NR6A1: variants seen among roughly 807,000 people sequenced by gnomAD.
The protein encoded by NR6A1 is retinoic acid receptor-related testis-associated receptor.
In NR6A1, 7 loss-of-function variants were observed where a neutral mutation model predicts 59.1. The ratio of observed to expected loss-of-function variants is 0.12; its 90% CI spans 0.07 to 0.22. NR6A1 has a LOEUF of 0.22. Among genes scored for constraint, NR6A1 ranks in the 10% least tolerant of loss-of-function variants. NR6A1 has a pLI of 1.00. For synonymous variants in NR6A1, 243 were observed against 236.1 expected, an observed-to-expected ratio of 1.03 and a Z score of -0.27; for missense variants, 468 against 611.6, an observed-to-expected ratio of 0.77 and a Z score of 2.48.
chr9:124,747,417 A>G (rs1345754417), intron 1 of NR6A1, among the ~76,000 whole-genome samples: 1 of 152,002 alleles, frequency 6.6e-6, no homozygotes, highest in Non-Finnish European at 1.5e-5. Flanking sequence ...CAGCACACAC[A>G]CAACCTTCTC....
intron 2 of NR6A1, among the ~76,000 whole-genome samples, chr9:124,583,677 C>T (rs1005066853): frequency 6.6e-6 from 1 of 152,152 alleles, no homozygotes; most frequent in Non-Finnish European, 1.5e-5. Context: ...ACGGCATACT[C>T]GGTCAGGTTG....
intron 2 of NR6A1, among the ~76,000 whole-genome samples, chr9:124,648,984 T>G (rs1437610411): frequency 6.6e-6 from 1 of 151,970 alleles, no homozygotes; most frequent in Non-Finnish European, 1.5e-5. Flanking sequence ...CATCCCATGT[T>G]CATAAAGTGA....
At chr9:124,541,436 A>C (rs1482436927) in intron 4 of NR6A1, among the ~76,000 whole-genome samples, 1 of 152,186 alleles carries the variant, frequency 6.6e-6, no homozygotes, top group Non-Finnish European at 1.5e-5. Context: ...ATTACCTCAC[A>C]CCTGTTATGT....
intron 2 of NR6A1, among the ~76,000 whole-genome samples, chr9:124,579,954 G>A (rs1369470638): frequency 6.6e-6 from 1 of 152,164 alleles, no homozygotes; most frequent in Non-Finnish European, 1.5e-5. Flanking sequence ...AGGTGGTGGT[G>A]AGCTGAGATT....
At position 124,644,160 on chromosome 9, in the gene NR6A1, C is replaced by T. The variant is rs192465705; in HGVS notation, c.142+89148G>A. Among the ~76,000 whole-genome samples the T allele has an allele frequency of 1.2e-3, 182 of 152,208 alleles. 1 individual carries two copies. The highest frequency in any genetic ancestry group is 4.1e-3 in the African/African-American group (172 of 41,536). On this transcript the variant is annotated intron_variant, in intron 2 of 9. Transcript: ENST00000487099. Reference sequence around the variant, plus strand: ...GTTGTGATCCACCCACCTCGGCCTCCCAAAGTGCTGGGATTACAGGCGTGA... The same window carrying T: ...GTTGTGATCCACCCACCTCGGCCTCTCAAAGTGCTGGGATTACAGGCGTGA...
chr9:124,762,634 A>G (rs999781996), intron 1 of NR6A1, among the ~76,000 whole-genome samples: 42 of 152,350 alleles, frequency 2.8e-4, no homozygotes, highest in African/African-American at 9.1e-4. Flanking sequence ...GTTTAAAACC[A>G]TATCAATGAA....
chr9:124,520,851 T>C lies in NR6A1; in HGVS notation c.*1854A>G, dbSNP rs1832785519. 6.6e-6 allele frequency: 1 copy of C among 152,248 alleles called. No individual in the cohort carries two copies. The highest frequency in any genetic ancestry group is 2.4e-5 in the African/African-American group (1 of 41,464). The allele number at this position is 152,248 out of a possible 1,614,324, so 9.4% of individuals were successfully genotyped here. Reference sequence around the variant, plus strand: ...TAGCTGGAGCTTTTCCTGAGGAACATGTCTCTTCCTTCTCAGAGCAACTGG... The same window carrying C: ...TAGCTGGAGCTTTTCCTGAGGAACACGTCTCTTCCTTCTCAGAGCAACTGG... On this transcript the variant is annotated 3_prime_UTR_variant, in exon 10 of 10. Coordinates refer to ENST00000487099, the MANE Select transcript of NR6A1 (RefSeq NM_033334.4).
chr9:124,741,598 T>C (rs770359967), intron 1 of NR6A1, among the ~76,000 whole-genome samples: 4 of 152,244 alleles, frequency 2.6e-5, no homozygotes, highest in Non-Finnish European at 4.4e-5. Context: ...TGGTAAATTT[T>C]ATGCTACGTA....
intron 2 of NR6A1, among the ~76,000 whole-genome samples, chr9:124,674,102 G>T (rs1034364061): frequency 2.6e-5 from 4 of 152,040 alleles, no homozygotes; most frequent in African/African-American, 9.7e-5. Flanking sequence ...CATTAAATGA[G>T]GTAATATAAG....
intron 2 of NR6A1, among the ~76,000 whole-genome samples, chr9:124,559,212 G>C (rs1441613460): frequency 6.6e-6 from 1 of 152,134 alleles, no homozygotes; most frequent in East Asian, 1.9e-4. Flanking sequence ...GCCCTGTACA[G>C]ATCTTTACCT....
intron 2 of NR6A1, among the ~76,000 whole-genome samples, chr9:124,677,400 A>G (rs1035098336): frequency 8.6e-5 from 13 of 152,038 alleles, no homozygotes; most frequent in African/African-American, 3.1e-4. Flanking sequence ...CTGGGACTAC[A>G]GGTGGGCACC....
chr9:124,758,112 G>T (rs1199836154), intron 1 of NR6A1, among the ~76,000 whole-genome samples: 2 of 152,200 alleles, frequency 1.3e-5, no homozygotes, highest in Non-Finnish European at 2.9e-5. Context: ...CTGTCACCAA[G>T]AAAGGGAATA....
At chr9:124,588,456 C>T (rs979612611) in intron 2 of NR6A1, among the ~76,000 whole-genome samples, 3 of 151,448 alleles carry the variant, frequency 2.0e-5, no homozygotes, top group Non-Finnish European at 4.4e-5. Flanking sequence ...TACAGGCGCC[C>T]GCCACCACGC....
intron 2 of NR6A1, among the ~76,000 whole-genome samples, chr9:124,673,321 A>T (rs1837851088): frequency 6.6e-6 from 1 of 152,132 alleles, no homozygotes; most frequent in African/African-American, 2.4e-5. Flanking sequence ...GAAAAAGTTA[A>T]CCACAACTAC....
At chr9:124,605,513 G>C (rs1369614158) in intron 2 of NR6A1, among the ~76,000 whole-genome samples, 1 of 152,010 alleles carries the variant, frequency 6.6e-6, no homozygotes, top group Non-Finnish European at 1.5e-5. Context: ...GTGAGAGTCT[G>C]TCTCTTAAAA....
intron 2 of NR6A1, chr9:124,658,594 A>C (rs907887825): frequency 6.6e-6 from 1 of 152,144 alleles, no homozygotes; most frequent in Non-Finnish European, 1.5e-5. Flanking sequence ...CTATCTGGAA[A>C]CACAGAAGTT....
At chr9:124,573,222 G>T (rs145041756) in intron 2 of NR6A1, among the ~76,000 whole-genome samples, 1 of 152,280 alleles carries the variant, frequency 6.6e-6, no homozygotes, top group African/African-American at 2.4e-5. Flanking sequence ...CAGCTCTTTT[G>T]TCTGAAGAGA....
chr9:124,577,606 G>A (rs1834638458), intron 2 of NR6A1, among the ~76,000 whole-genome samples: 1 of 152,188 alleles, frequency 6.6e-6, no homozygotes, highest in Admixed American at 6.5e-5. Flanking sequence ...AAAGTAATTT[G>A]TACATGTTTG....
chr9:124,698,731 G>C (rs1838844713), intron 2 of NR6A1: 1 of 151,958 alleles, frequency 6.6e-6, no homozygotes, highest in South Asian at 2.1e-4. Flanking sequence ...CCAAGCACAG[G>C]ATACCTTCAG....
Sources: allele counts gnomAD v4.1 joint callset (sites outside exome capture counted in the v4.1 genomes callset), GRCh38; gene constraint gnomAD v4.1.1; transcripts MANE v1.5; gene names NCBI Gene and HGNC (gene_info 2026-07-23, HGNC 2026-07-21).